The following WDR64 variants were observed in gnomAD, a reference collection of about 807,000 sequenced individuals.
WDR64 encodes WD repeat-containing protein 64.
WDR64 carries 112 observed loss-of-function variants against 139.3 expected under a neutral mutation model. The observed-to-expected ratio is 0.80, with a 90% CI of 0.69 to 0.94. WDR64 has a LOEUF of 0.94. WDR64 is among the 40% of genes least tolerant of loss of function. The pLI is 0.00. For missense variants in WDR64, 1,206 were observed against 1,293.1 expected (o/e 0.93, Z 1.03); for synonymous variants, 444 against 437.7 (o/e 1.01, Z -0.18).
rs138348044 is a variant in WDR64 at position 241,687,527 on chromosome 1, T to C, written c.906T>C (p.Phe302=). 6.2e-7 allele frequency: 1 copy of C among 1,613,832 alleles called. No homozygotes were observed. Among genetic ancestry groups the C allele is most frequent in the African/African-American group, 1.3e-5 (1 of 74,920 alleles). The part of the protein sequence containing the change: ...KIRYISALNC[F]GSCSLDSNHS... ...GATATATTTCAGCCCTAAATTGTTT[T>C]GGATCCTGCTCCTTAGACAGTAATC... The change falls in exon 8 of 28, where the codon TTT becomes TTC. Residue 302 remains phenylalanine, a synonymous_variant. Coordinates refer to ENST00000437684, the MANE Select transcript of WDR64 (RefSeq NM_001367482.1).
At chr1:241,741,876 T>G (rs767841493) in intron 12 of WDR64, among the ~76,000 whole-genome samples, 3 of 152,156 alleles carry the variant, frequency 2.0e-5, no homozygotes, top group Non-Finnish European at 4.4e-5. Context: ...ACATGCTCAA[T>G]TGAATAAACA....
At chr1:241,757,193 T>A in intron 14 of WDR64, 90 bp from the exon 15 acceptor site, 1 of 1,165,124 alleles carries the variant, frequency 8.6e-7, no homozygotes, top group Non-Finnish European at 1.2e-6. Flanking sequence ...GGTAGATACA[T>A]CATTGTAGGT....
At chr1:241,765,813 A>C (rs977915000) in intron 15 of WDR64, among the ~76,000 whole-genome samples, 2 of 152,206 alleles carry the variant, frequency 1.3e-5, no homozygotes, top group Non-Finnish European at 2.9e-5. Context: ...AAAAGATCTT[A>C]ATGATAAATA....
At chr1:241,721,873 C>T (rs372310086) in intron 9 of WDR64, among the ~76,000 whole-genome samples, 2 of 152,170 alleles carry the variant, frequency 1.3e-5, no homozygotes, top group East Asian at 3.9e-4. Flanking sequence ...GGGTCAGACA[C>T]AATGAAAATG....
Position 241,656,904 on chromosome 1 carries a change from G to GTC in WDR64, c.146-3625_146-3624insCT, listed in dbSNP as rs1665623088. The stretch of plus-strand genomic sequence containing the variant: ...TGTGTGTGTGTGTGTGTGTGTGTGT[G>GTC]TGTGTGTCTGTCTGGGGATGGAGGT... On this transcript the variant is annotated intron_variant, in intron 1 of 27. Transcript: ENST00000437684. This position sits in a 1 kb window ranked among gnomAD's most constrained non-coding sequence, Gnocchi z 4.3. Among the ~76,000 whole-genome samples the GTC allele has an allele frequency of 6.7e-6, 1 of 149,476 alleles. No individual in the cohort carries two copies. The highest frequency in any genetic ancestry group is 1.5e-5 in the Non-Finnish European group (1 of 67,850).
chr1:241,794,922 C>G (rs960665031), intron 25 of WDR64, among the ~76,000 whole-genome samples: 5 of 152,100 alleles, frequency 3.3e-5, no homozygotes, highest in Non-Finnish European at 7.4e-5. Context: ...CTTGTTTTGT[C>G]CATTCCTTTT....
chr1:241,712,655 G>A (rs1056527159), intron 9 of WDR64, among the ~76,000 whole-genome samples: 1 of 152,126 alleles, frequency 6.6e-6, no homozygotes, highest in Non-Finnish European at 1.5e-5. Flanking sequence ...AAGTGGAGTT[G>A]ATAATAGTAC....
chr1:241,766,456 A>G, intron 16 of WDR64, 105 bp downstream of exon 16: 1 of 1,306,418 alleles, frequency 7.7e-7, no homozygotes, highest in Non-Finnish European at 1.0e-6. Flanking sequence ...CAGGTCTGTA[A>G]ACCCAGAACT....
At chr1:241,675,006 TTCCTTCCTTTCTTCTTCCTTC>T in intron 4 of WDR64, among the ~76,000 whole-genome samples, 1 of 32,310 alleles carries the variant, frequency 3.1e-5, no homozygotes, top group Non-Finnish European at 8.8e-5. Context: ...CCTCCCTCTC[TTCCTTCCTTTCTTCTTCCTTC>T]CCTCCCTCCT....
rs766559229 is a variant in WDR64 at position 241,687,603 on chromosome 1, T to C, written c.974+8T>C. The C allele has an allele frequency of 6.2e-6, 10 of 1,608,630 alleles. No individual in the cohort carries two copies. The Admixed American group carries it at 1.5e-4, about 24-fold the overall frequency. On this transcript the variant is annotated splice_region_variant and intron_variant, in intron 8 of 27. Transcript: ENST00000437684. ...GAGACTCGAGGATAATTTGTAAGTA[T>C]AGTAATTTATATACATGAACAGTCT...
At chr1:241,692,337 A>G (rs1667333807) in intron 8 of WDR64, among the ~76,000 whole-genome samples, 1 of 152,250 alleles carries the variant, frequency 6.6e-6, no homozygotes, top group Admixed American at 6.5e-5. Flanking sequence ...GGTCTTGAGT[A>G]TTCATCACAA....
intron 10 of WDR64, 67 bp from the exon 11 acceptor site, chr1:241,738,296 C>T: frequency 1.3e-6 from 2 of 1,543,158 alleles, no homozygotes; most frequent in Non-Finnish European, 1.7e-6. Context: ...GAAAATGCTT[C>T]ACCTAAATAT....
chr1:241,701,347 A>T (rs567516175), intron 8 of WDR64, among the ~76,000 whole-genome samples: 1 of 152,152 alleles, frequency 6.6e-6, no homozygotes, highest in Admixed American at 6.5e-5. Flanking sequence ...TGTTGTTTAT[A>T]TGTTTTTTTC....
At chr1:241,765,352 T>G (rs1431318701) in intron 15 of WDR64, among the ~76,000 whole-genome samples, 2 of 152,094 alleles carry the variant, frequency 1.3e-5, no homozygotes, top group Non-Finnish European at 2.9e-5. Flanking sequence ...TTGAGATATT[T>G]GAAACATAAT....
chr1:241,662,918 T>A (rs975536329), intron 2 of WDR64, among the ~76,000 whole-genome samples: 1 of 152,148 alleles, frequency 6.6e-6, no homozygotes, highest in Non-Finnish European at 1.5e-5. Flanking sequence ...TGATATGTAA[T>A]CAATTATTTA....
Position 241,674,673 on chromosome 1 carries a change from A to G in WDR64, c.409A>G (p.Ile137Val), listed in dbSNP as rs1193736292. 1.9e-6 allele frequency: 3 copies of G among 1,550,090 alleles called. No homozygotes were observed. The Admixed American group carries it at 5.9e-5, about 30-fold the overall frequency. The change falls in exon 4 of 28, where the codon ATT becomes GTT. Residue 137 changes from isoleucine (I) to valine (V), a missense_variant. Physicochemically the swap from Ile to Val is conservative, Grantham distance 29. Transcript: ENST00000437684. ...TAGAAGACGAGATGTGATTAAGAGCATTGTCAAGATACCTCACCTGGATTT... is the reference window on the plus strand; with the variant it reads ...TAGAAGACGAGATGTGATTAAGAGCGTTGTCAAGATACCTCACCTGGATTT... ...GSRRRDVIKS[I>V]VKIPHLDLLI... is the part of the protein sequence containing the mutation.
At chr1:241,710,133 C>T (rs1225706033) in intron 8 of WDR64, among the ~76,000 whole-genome samples, 1 of 152,038 alleles carries the variant, frequency 6.6e-6, no homozygotes, top group South Asian at 2.1e-4. Flanking sequence ...TGCCCCTTCC[C>T]TGCTTGTGTG....
At chr1:241,747,814 G>A (rs892050500) in intron 13 of WDR64, among the ~76,000 whole-genome samples, 1 of 152,156 alleles carries the variant, frequency 6.6e-6, no homozygotes, top group South Asian at 2.1e-4. Context: ...GCACTTCCGC[G>A]GAAGGCAGGA....
intron 10 of WDR64, among the ~76,000 whole-genome samples, chr1:241,736,149 G>T (rs377249590): frequency 6.6e-6 from 1 of 152,008 alleles, no homozygotes; most frequent in East Asian, 1.9e-4. Flanking sequence ...AGGTCTTCTG[G>T]TCCTGTCTGT....
Sources: allele counts gnomAD v4.1 joint callset (sites outside exome capture counted in the v4.1 genomes callset), GRCh38; gene constraint gnomAD v4.1.1; non-coding constraint Gnocchi (gnomAD v3.1); transcripts MANE v1.5; gene names NCBI Gene and HGNC (gene_info 2026-07-23, HGNC 2026-07-21).